NUDCD3: variants seen among roughly 807,000 people sequenced by gnomAD.
NUDCD3 encodes the protein nudC domain-containing protein 3.
NUDCD3 carries 13 observed loss-of-function variants against 39.7 expected under a neutral mutation model. The observed-to-expected ratio is 0.33, with a 90% confidence interval of 0.21 to 0.52. The LOEUF (loss-of-function observed/expected upper bound fraction) is 0.52, where lower values mean the gene tolerates loss of function less well. NUDCD3 is among the 20% of genes least tolerant of loss of function. The probability of loss-of-function intolerance (pLI) is 0.96; values close to 1 mark genes in which losing one functional copy is unlikely to be tolerated. For missense variants in NUDCD3, 453 were observed against 458.1 expected (o/e 0.99, Z 0.10); for synonymous variants, 175 against 172.4 (o/e 1.02, Z -0.12).
intron 3 of NUDCD3, among the ~76,000 whole-genome samples, 181 bp from the exon 4 acceptor site, chr7:44,404,764 A>AG (rs1798786857): frequency 1.2e-5 from 1 of 81,338 alleles, no homozygotes; most frequent in Admixed American, 1.5e-4. Flanking sequence ...AGCAACCTGA[A>AG]GATGTCAGCT....
intron 2 of NUDCD3, among the ~76,000 whole-genome samples, chr7:44,474,578 C>G (rs1417800101): frequency 6.6e-6 from 1 of 152,186 alleles, no homozygotes; most frequent in African/African-American, 2.4e-5. Context: ...ACCACATGCT[C>G]CCTGAACCCA....
chr7:44,412,919 G>A (rs1387746459), intron 3 of NUDCD3, among the ~76,000 whole-genome samples: 1 of 122,250 alleles, frequency 8.2e-6, no homozygotes, highest in African/African-American at 3.4e-5. Flanking sequence ...AGAGCGAGAC[G>A]CCGTCTCAAA....
At chr7:44,398,080 T>C (rs1798654857) in intron 4 of NUDCD3, among the ~76,000 whole-genome samples, 1 of 152,148 alleles carries the variant, frequency 6.6e-6, no homozygotes, top group South Asian at 2.1e-4. Context: ...TTCTCCACTG[T>C]AGTTATTGAC....
chr7:44,461,488 G>A (rs913336626), intron 2 of NUDCD3, among the ~76,000 whole-genome samples: 1 of 152,044 alleles, frequency 6.6e-6, no homozygotes, highest in African/African-American at 2.4e-5. Flanking sequence ...CCCTGTGGGG[G>A]GAGGCACACT....
chr7:44,472,328 A>C (rs961802047), intron 2 of NUDCD3, among the ~76,000 whole-genome samples: 1 of 152,262 alleles, frequency 6.6e-6, no homozygotes, highest in Non-Finnish European at 1.5e-5. Flanking sequence ...AACTATTAGA[A>C]ACCAGTAAGA....
intron 2 of NUDCD3, among the ~76,000 whole-genome samples, chr7:44,459,659 C>A (rs1478524758): frequency 2.0e-5 from 3 of 152,332 alleles, no homozygotes; most frequent in Admixed American, 6.5e-5. Context: ...GCTTTCCTAA[C>A]TGTCACACAT....
chr7:44,390,982 G>A (rs1798503961), intron 5 of NUDCD3, among the ~76,000 whole-genome samples: 1 of 152,210 alleles, frequency 6.6e-6, no homozygotes, highest in Non-Finnish European at 1.5e-5. Context: ...GGGTGGAAAA[G>A]GGGGCCAAAC....
chr7:44,399,082 C>T (rs947368142), intron 4 of NUDCD3, among the ~76,000 whole-genome samples: 7 of 152,176 alleles, frequency 4.6e-5, no homozygotes, highest in African/African-American at 7.2e-5. Context: ...GGGATGGGGC[C>T]GACAAAGCAA....
intron 2 of NUDCD3, among the ~76,000 whole-genome samples, chr7:44,446,274 T>C (rs543726528): frequency 6.6e-6 from 1 of 152,292 alleles, no homozygotes; most frequent in Non-Finnish European, 1.5e-5. Flanking sequence ...GCTGTTTTCA[T>C]TACCTGAGAC....
chr7:44,428,493 C>T (rs1799285024), intron 2 of NUDCD3, among the ~76,000 whole-genome samples: 1 of 151,082 alleles, frequency 6.6e-6, no homozygotes, highest in Non-Finnish European at 1.5e-5. Flanking sequence ...AAACTTCAAT[C>T]CTAATCCAAC....
chr7:44,467,998 C>T (rs1274927554), intron 2 of NUDCD3: 1 of 1,612,794 alleles, frequency 6.2e-7, no homozygotes. Flanking sequence ...TTAAGCGTAA[C>T]TGGCGGAAAC....
At chr7:44,424,940 C>T (rs1799206125) in intron 3 of NUDCD3, among the ~76,000 whole-genome samples, 1 of 152,170 alleles carries the variant, frequency 6.6e-6, no homozygotes, top group Non-Finnish European at 1.5e-5. Flanking sequence ...AGCATATATA[C>T]ACCACGGAAT....
intron 5 of NUDCD3, among the ~76,000 whole-genome samples, chr7:44,389,957 A>G (rs1175971617): frequency 6.6e-6 from 1 of 152,216 alleles, no homozygotes; most frequent in Non-Finnish European, 1.5e-5. Context: ...TATTCCTGCT[A>G]TTTTGTTTTT....
chr7:44,416,139 A>G (rs565359704), intron 3 of NUDCD3, among the ~76,000 whole-genome samples: 2 of 152,136 alleles, frequency 1.3e-5, no homozygotes, highest in Admixed American at 6.5e-5. Flanking sequence ...GGTGGAGTGC[A>G]GTGGCACAAT....
intron 3 of NUDCD3, among the ~76,000 whole-genome samples, chr7:44,412,943 GAAAAAAAA>G (rs1294502339): frequency 4.7e-5 from 6 of 126,376 alleles, no homozygotes; most frequent in Admixed American, 8.0e-5. Flanking sequence ...AAAAAAAAAA[GAAAAAAAA>G]AAAGAAAGAA....
intron 2 of NUDCD3, among the ~76,000 whole-genome samples, chr7:44,436,117 T>A (rs1022427397): frequency 3.9e-5 from 6 of 152,076 alleles, no homozygotes; most frequent in Admixed American, 1.3e-4. Context: ...GAAAAAAAAA[T>A]TTTTTGAGAC....
In NUDCD3 at chr7:44,392,412, T is replaced by G. The variant is rs899192050; in HGVS notation, c.860A>C (p.Lys287Thr). The G allele has an allele frequency of 4.3e-6, 7 of 1,614,154 alleles. No individual in the cohort carries two copies. Among genetic ancestry groups the G allele is most frequent in the Admixed American group, 3.3e-5 (2 of 60,028 alleles). The change falls in exon 5 of 6, where the codon AAG (lysine) becomes ACG (threonine). Residue 287 changes from lysine to threonine, a missense_variant. Coordinates refer to ENST00000355451, the MANE Select transcript of NUDCD3 (RefSeq NM_015332.4). Reference sequence around the variant, plus strand: ...GGCCATGGAGCGCTCCTTGTTGATCTTGTCAATGTCGATGGGCTCTTCTCC... The same window carrying G: ...GGCCATGGAGCGCTCCTTGTTGATCGTGTCAATGTCGATGGGCTCTTCTCC... ...LEGEEPIDIDKINKERSMATV... is the reference protein window; with the variant it reads ...LEGEEPIDIDTINKERSMATV...
chr7:44,414,704 C>T (rs1798988952), intron 3 of NUDCD3, among the ~76,000 whole-genome samples: 1 of 152,116 alleles, frequency 6.6e-6, no homozygotes, highest in African/African-American at 2.4e-5. Context: ...TATGTAAATA[C>T]AAAAATAATG....
At chr7:44,482,516 G>C (rs952964289) in intron 2 of NUDCD3, among the ~76,000 whole-genome samples, 1 of 152,164 alleles carries the variant, frequency 6.6e-6, no homozygotes, top group South Asian at 2.1e-4. Flanking sequence ...CCAGGAGTTC[G>C]AGATTAGCCT....
Sources: gnomAD v4.1 joint callset for allele counts (sites outside exome capture counted in the v4.1 genomes callset) on GRCh38, gnomAD v4.1.1 for gene constraint, MANE v1.5 for transcripts, NCBI Gene and HGNC (gene_info 2026-07-23, HGNC 2026-07-21) for gene names.